TPRG1: variants seen among roughly 807,000 people sequenced by gnomAD.
TPRG1 encodes tumor protein p63 regulated 1.
A neutral mutation model predicts 29.3 loss-of-function variants in TPRG1; 29 were observed. That is an observed-to-expected ratio of 0.99 (90% CI 0.74 to 1.35). The LOEUF is 1.35. TPRG1 is among the 40% of genes most tolerant of loss of function. TPRG1 has a pLI of 0.00. For missense variants in TPRG1, 327 were observed against 335.0 expected (o/e 0.98, Z 0.19); for synonymous variants, 130 against 116.8 (o/e 1.11, Z -0.73).
rs554673800 is a variant in TPRG1 at position 189,180,040 on chromosome 3, C to T, written c.-10+7909C>T. On this transcript the variant is annotated intron_variant, in intron 1 of 5. Coordinates refer to ENST00000345063, the MANE Select transcript of TPRG1 (RefSeq NM_198485.4). Reference sequence around the variant, plus strand: ...AGGAGCAAGTCACATCTTACATGGACGGCAGCATACGAAGAGATAGAGTTT... The same window carrying T: ...AGGAGCAAGTCACATCTTACATGGATGGCAGCATACGAAGAGATAGAGTTT... Among the ~76,000 whole-genome samples, 163 of 152,228 alleles carry T rather than the reference C, an allele frequency of 1.1e-3. 1 individual carries two copies. The highest frequency in any genetic ancestry group is 1.4e-3 in the Admixed American group (22 of 15,298).
At chr3:189,162,991 G>A (rs1727681182) in intron 5 of TPRG1, among the ~76,000 whole-genome samples, 2 of 152,172 alleles carry the variant, frequency 1.3e-5, no homozygotes, top group South Asian at 4.1e-4. Flanking sequence ...GAGTTCTTAG[G>A]CTGGGTGTGG....
chr3:189,078,443 C>G (rs1302079241), intron 4 of TPRG1, among the ~76,000 whole-genome samples: 1 of 151,924 alleles, frequency 6.6e-6, no homozygotes, highest in Non-Finnish European at 1.5e-5. Flanking sequence ...GGCCAAAAAC[C>G]CTTTTCTTAA....
At chr3:189,017,939 G>T (rs1434910857) in intron 3 of TPRG1, among the ~76,000 whole-genome samples, 1 of 151,004 alleles carries the variant, frequency 6.6e-6, no homozygotes, top group African/African-American at 2.4e-5. Context: ...GTGTGAGATG[G>T]TATCTCATTG....
At chr3:189,131,206 G>T (rs560093251) in intron 2 of TPRG1, among the ~76,000 whole-genome samples, 1 of 152,076 alleles carries the variant, frequency 6.6e-6, no homozygotes, top group African/African-American at 2.4e-5. Context: ...TTCCAACTTG[G>T]GCTTCAGTGT....
chr3:189,080,231 T>C (rs1258202368), intron 4 of TPRG1, among the ~76,000 whole-genome samples: 1 of 152,110 alleles, frequency 6.6e-6, no homozygotes, highest in Non-Finnish European at 1.5e-5. Flanking sequence ...TATCGGGAAT[T>C]TGTCATTTCT....
chr3:189,050,831 T>C (rs1183775897), intron 4 of TPRG1, among the ~76,000 whole-genome samples: 1 of 151,996 alleles, frequency 6.6e-6, no homozygotes, highest in African/African-American at 2.4e-5. Context: ...AAAACAAAAA[T>C]CACATGATCC....
In TPRG1 at chr3:189,243,467, G is replaced by T. The variant is rs1186247018; in HGVS notation, c.479+4558G>T. Among the ~76,000 whole-genome samples, 5 of 152,246 alleles carry T rather than the reference G, an allele frequency of 3.3e-5. No individual in the cohort carries two copies. In the East Asian group the frequency reaches 9.6e-4, roughly 29 times the overall value. ...ATGCCTGTGAGTTGTTTTCCCTATT[G>T]TCCTGGCTATGAGCATTTGCTCCTT... On this transcript the variant is annotated intron_variant, in intron 4 of 5. Transcript: ENST00000345063.
At chr3:189,057,776 A>G (rs1715800754) in intron 4 of TPRG1, among the ~76,000 whole-genome samples, 1 of 147,298 alleles carries the variant, frequency 6.8e-6, no homozygotes, top group Non-Finnish European at 1.5e-5. Context: ...ACACACATAT[A>G]CATATATGTA....
intron 4 of TPRG1, among the ~76,000 whole-genome samples, chr3:189,279,556 C>A (rs2109127525): frequency 6.6e-6 from 1 of 152,156 alleles, no homozygotes; most frequent in African/African-American, 2.4e-5. Context: ...TTTTTCTCAT[C>A]TGTAAATGGA....
intron 5 of TPRG1, among the ~76,000 whole-genome samples, chr3:189,319,238 A>T (rs1003222739): frequency 6.6e-6 from 1 of 152,096 alleles, no homozygotes; most frequent in African/African-American, 2.4e-5. Flanking sequence ...ATAGACATGG[A>T]CTTTTTATCT....
chr3:189,086,793 T>G (rs1244770450), intron 4 of TPRG1, among the ~76,000 whole-genome samples: 1 of 152,182 alleles, frequency 6.6e-6, no homozygotes, highest in African/African-American at 2.4e-5. Flanking sequence ...TTGCTGAGAA[T>G]GATAGTTTCC....
At chr3:189,312,177 CTTTCTTTT>C (rs751599898) in intron 5 of TPRG1, among the ~76,000 whole-genome samples, 1,745 of 53,386 alleles carry the variant, frequency 0.033, 150 homozygotes, top group Middle Eastern at 0.043. Context: ...TTCTTTCTTT[CTTTCTTTT>C]TTTCTTTCTT....
At chr3:189,036,613 A>G (rs954999778) in intron 4 of TPRG1, among the ~76,000 whole-genome samples, 4 of 152,094 alleles carry the variant, frequency 2.6e-5, no homozygotes, top group African/African-American at 9.7e-5. Context: ...ATAATATAAA[A>G]TTCAAGAAAT....
intron 1 of TPRG1, among the ~76,000 whole-genome samples, chr3:189,126,666 A>T (rs1722533537): frequency 6.6e-6 from 1 of 152,212 alleles, no homozygotes; most frequent in Non-Finnish European, 1.5e-5. Context: ...TAATTTGCTT[A>T]AGCTTGCTGA....
intron 4 of TPRG1, among the ~76,000 whole-genome samples, chr3:189,044,877 A>G (rs1170400153): frequency 6.6e-6 from 1 of 152,238 alleles, no homozygotes; most frequent in Admixed American, 6.5e-5. Flanking sequence ...TCATTTAAAC[A>G]TACAAGAGTA....
intron 4 of TPRG1, among the ~76,000 whole-genome samples, chr3:189,308,527 T>C (rs1721968530): frequency 6.6e-6 from 1 of 152,166 alleles, no homozygotes; most frequent in African/African-American, 2.4e-5. Context: ...ATCTTCCTAG[T>C]TTTCACCTCT....
intron 4 of TPRG1, among the ~76,000 whole-genome samples, chr3:189,052,883 T>C (rs1560416098): frequency 6.6e-6 from 1 of 152,180 alleles, no homozygotes; most frequent in Non-Finnish European, 1.5e-5. Context: ...AGCTAAGCTA[T>C]GAGGACGCAA....
chr3:189,155,488 A>G (rs1578573292), intron 5 of TPRG1, among the ~76,000 whole-genome samples: 1 of 152,072 alleles, frequency 6.6e-6, no homozygotes, highest in Non-Finnish European at 1.5e-5. Context: ...TGTGGTCCCT[A>G]TATAAACATA....
intron 4 of TPRG1, among the ~76,000 whole-genome samples, chr3:189,056,912 C>T (rs1251852955): frequency 6.6e-6 from 1 of 152,162 alleles, no homozygotes; most frequent in Non-Finnish European, 1.5e-5. Context: ...AGATGATATA[C>T]ATCCCCAAGT....
Sources: gnomAD v4.1 joint callset for allele counts (sites outside exome capture counted in the v4.1 genomes callset) on GRCh38, gnomAD v4.1.1 for gene constraint, MANE v1.5 for transcripts, NCBI Gene and HGNC (gene_info 2026-07-23, HGNC 2026-07-21) for gene names.